ENOX1: variants seen among roughly 807,000 people sequenced by gnomAD.
ENOX1 encodes ecto-NOX disulfide-thiol exchanger 1, also known as candidate growth-related and time keeping constitutive hydroquinone (NADH) oxidase.
A neutral mutation model predicts 82.5 loss-of-function variants in ENOX1; 42 were observed. The ratio of observed to expected loss-of-function variants is 0.51; its 90% confidence interval spans 0.40 to 0.66. The LOEUF is 0.66. Among genes scored for constraint, ENOX1 ranks in the 30% least tolerant of loss-of-function variants. The pLI is 0.00. For missense variants in ENOX1, 608 were observed against 811.6 expected, an observed-to-expected ratio of 0.75 and a Z score of 3.05; for synonymous variants, 271 against 282.2, an observed-to-expected ratio of 0.96 and a Z score of 0.40.
intron 2 of ENOX1, among the ~76,000 whole-genome samples, chr13:43,577,006 C>A (rs969116703): frequency 2.0e-5 from 3 of 152,154 alleles, no homozygotes; most frequent in Non-Finnish European, 4.4e-5. Context: ...CTATGAACCA[C>A]ACATTGTGTA....
rs574413035 is a variant in ENOX1, at chr13:43,657,060, T to C, written c.-219+10419A>G. Among the ~76,000 whole-genome samples the C allele has an allele frequency of 2.0e-5, 3 of 152,362 alleles. No individual in the cohort carries two copies. The East Asian group carries it at 5.8e-4, about 29-fold the overall frequency. On this transcript the variant is annotated intron_variant, in intron 2 of 16. Transcript: ENST00000690772. The stretch of plus-strand genomic sequence containing the variant: ...GATAATCCACAAACTAAATAGCCTC[T>C]GCATTTAAGAAGTAGACCATAGTCC...
chr13:43,780,316 A>G (rs1952190382), intron 1 of ENOX1, among the ~76,000 whole-genome samples: 1 of 147,802 alleles, frequency 6.8e-6, no homozygotes, highest in African/African-American at 2.6e-5. Context: ...GGTTCCCTGG[A>G]CAAAAAAAAA....
intron 1 of ENOX1, among the ~76,000 whole-genome samples, chr13:43,720,465 T>G (rs548315766): frequency 6.6e-6 from 1 of 152,202 alleles, no homozygotes; most frequent in Non-Finnish European, 1.5e-5. Flanking sequence ...CTTTGAGCTG[T>G]CTCAATTATA....
intron 1 of ENOX1, among the ~76,000 whole-genome samples, chr13:43,676,447 T>A (rs2085512776): frequency 6.6e-6 from 1 of 152,144 alleles, no homozygotes; most frequent in South Asian, 2.1e-4. Context: ...AGGCTCTCCC[T>A]CAGAGCTGTG....
chr13:43,624,293 G>C (rs563078599), intron 2 of ENOX1, among the ~76,000 whole-genome samples: 34 of 152,028 alleles, frequency 2.2e-4, no homozygotes, highest in East Asian at 7.7e-4. Flanking sequence ...GTTGACTTTT[G>C]AGAGTTCTTT....
intron 2 of ENOX1, among the ~76,000 whole-genome samples, chr13:43,540,197 G>A (rs1368683030): frequency 6.6e-6 from 1 of 152,108 alleles, no homozygotes; most frequent in Non-Finnish European, 1.5e-5. Flanking sequence ...CATCTACTCA[G>A]CTATTCTGAA....
rs1278297804 is a variant in ENOX1, at chr13:43,295,401, C to T, written c.1446+2945G>A. Among the ~76,000 whole-genome samples, 3 of 152,150 alleles carry T rather than the reference C, an allele frequency of 2.0e-5. No homozygotes were observed. In the East Asian group the frequency reaches 5.8e-4, roughly 29 times the overall value. On this transcript the variant is annotated intron_variant, in intron 12 of 16. Coordinates refer to ENST00000690772, the MANE Select transcript of ENOX1 (RefSeq NM_001347969.2). ...ACTCGGAAACTTCCAGACAAAGTCACCCAAGAGTTTTTCCATGTTAGGAAC... is the reference window on the plus strand; with the variant it reads ...ACTCGGAAACTTCCAGACAAAGTCATCCAAGAGTTTTTCCATGTTAGGAAC...
intron 12 of ENOX1, among the ~76,000 whole-genome samples, chr13:43,270,200 T>A (rs2044606979): frequency 6.6e-6 from 1 of 152,180 alleles, no homozygotes; most frequent in African/African-American, 2.4e-5. Flanking sequence ...CCTTGCCCTA[T>A]CAACTGTAAC....
At chr13:43,572,003 G>A (rs1169315704) in intron 2 of ENOX1, among the ~76,000 whole-genome samples, 2 of 151,990 alleles carry the variant, frequency 1.3e-5, no homozygotes, top group African/African-American at 4.8e-5. Flanking sequence ...AGGTCTCCTA[G>A]GCTGAAGAAA....
At chr13:43,240,915 G>A (rs953695115) in intron 14 of ENOX1, among the ~76,000 whole-genome samples, 5 of 152,184 alleles carry the variant, frequency 3.3e-5, no homozygotes, top group Non-Finnish European at 5.9e-5. Context: ...AGATTCCTAA[G>A]CTCAGTGTTT....
At chr13:43,781,758 G>A (rs937383945) in intron 1 of ENOX1, among the ~76,000 whole-genome samples, 1 of 152,078 alleles carries the variant, frequency 6.6e-6, no homozygotes, top group Admixed American at 6.5e-5. Flanking sequence ...TGAACTGCCC[G>A]CCTCGACCTC....
intron 7 of ENOX1, among the ~76,000 whole-genome samples, chr13:43,358,666 T>C (rs2050304045): frequency 1.3e-5 from 2 of 152,226 alleles, no homozygotes; most frequent in South Asian, 4.1e-4. Flanking sequence ...TAATATCCAT[T>C]ATTTGATTTA....
chr13:43,626,521 T>A (rs1180407170), intron 2 of ENOX1, among the ~76,000 whole-genome samples: 2 of 151,818 alleles, frequency 1.3e-5, no homozygotes, highest in Non-Finnish European at 1.5e-5. Flanking sequence ...TTCATTTAGT[T>A]CAATATATTT....
intron 2 of ENOX1, among the ~76,000 whole-genome samples, chr13:43,515,749 G>A (rs1426097937): frequency 6.6e-6 from 1 of 152,168 alleles, no homozygotes; most frequent in Non-Finnish European, 1.5e-5. Flanking sequence ...AAGTGCTGGA[G>A]AGCAACTGCT....
intron 2 of ENOX1, among the ~76,000 whole-genome samples, chr13:43,587,165 A>G (rs925614810): frequency 6.6e-6 from 1 of 152,128 alleles, no homozygotes; most frequent in Non-Finnish European, 1.5e-5. Flanking sequence ...TAAAAGATAG[A>G]TTTAGGGTAA....
intron 2 of ENOX1, among the ~76,000 whole-genome samples, chr13:43,616,117 GATCT>G (rs1473045835): frequency 6.7e-5 from 1 of 14,976 alleles, no homozygotes; most frequent in African/African-American, 1.7e-4. Flanking sequence ...GATATCTATA[GATCT>G]ATAGATATCT....
At chr13:43,519,725 G>A (rs1312092945) in intron 2 of ENOX1, among the ~76,000 whole-genome samples, 2 of 152,070 alleles carry the variant, frequency 1.3e-5, no homozygotes, top group Non-Finnish European at 2.9e-5. Context: ...GCAGCACCAA[G>A]CAAAGAAAGT....
At chr13:43,692,183 TG>T (rs2086402251) in intron 1 of ENOX1, among the ~76,000 whole-genome samples, 1 of 152,214 alleles carries the variant, frequency 6.6e-6, no homozygotes, top group Non-Finnish European at 1.5e-5. Context: ...GTATGATGAC[TG>T]GAAAAGCCAC....
intron 11 of ENOX1, among the ~76,000 whole-genome samples, chr13:43,303,115 C>T (rs1258294117): frequency 1.3e-5 from 2 of 152,220 alleles, no homozygotes; most frequent in Non-Finnish European, 2.9e-5. Flanking sequence ...AGATTTCCTT[C>T]CCACATGCAA....
Sources: gnomAD v4.1 joint callset for allele counts (sites outside exome capture counted in the v4.1 genomes callset) on GRCh38, gnomAD v4.1.1 for gene constraint, MANE v1.5 for transcripts, NCBI Gene and HGNC (gene_info 2026-07-23, HGNC 2026-07-21) for gene names.